The following CREB1 variants were observed in gnomAD, a reference collection of about 807,000 sequenced individuals.
CREB1 encodes the protein cyclic AMP-responsive element-binding protein 1.
Under a neutral mutation model 42.0 loss-of-function variants are expected in CREB1, and 2 were observed. The ratio of observed to expected loss-of-function variants is 0.05; its 90% CI spans 0.02 to 0.15. The LOEUF is 0.15. Among genes scored for constraint, CREB1 ranks in the 10% least tolerant of loss-of-function variants. The pLI, the probability that CREB1 is intolerant of heterozygous loss-of-function variation, is 1.00. For synonymous variants in CREB1, 123 were observed against 139.9 expected (o/e 0.88, Z 0.85); for missense variants, 199 against 388.9 (o/e 0.51, Z 4.11).
intron 1 of CREB1, among the ~76,000 whole-genome samples, chr2:207,531,130 A>G (rs2080605293): frequency 6.6e-6 from 1 of 152,144 alleles, no homozygotes; most frequent in Non-Finnish European, 1.5e-5. Flanking sequence ...TAATAAGGTA[A>G]TCATCACTTG....
chr2:207,560,094 C>T, intron 2 of CREB1, 132 bp from the exon 3 acceptor site: 1 of 718,094 alleles, frequency 1.4e-6, no homozygotes, highest in Non-Finnish European at 2.1e-6. Flanking sequence ...TTAGTCATTA[C>T]TTTCATATCA....
chr2:207,551,795 G>C (rs1334099813), intron 1 of CREB1, among the ~76,000 whole-genome samples: 1 of 152,050 alleles, frequency 6.6e-6, no homozygotes, highest in African/African-American at 2.4e-5. Context: ...TGCAATCCCA[G>C]CACTTTGGGA....
chr2:207,558,643 ATT>A (rs903929048), intron 2 of CREB1, among the ~76,000 whole-genome samples: 18 of 131,968 alleles, frequency 1.4e-4, no homozygotes, highest in Non-Finnish European at 1.1e-4. Flanking sequence ...CACTAAAGTG[ATT>A]TTTTTTTTTT....
Position 207,603,457 on chromosome 2 carries a change from ATC to A in CREB1, c.*6403_*6404del. Reference sequence around the variant, plus strand: ...TGTAAGTCTCTTTTTTGGGGATGGGATCTCTATATTTTGTTGGGTTTTTTTTG... The same window carrying A: ...TGTAAGTCTCTTTTTTGGGGATGGGATCTATATTTTGTTGGGTTTTTTTTG... On this transcript the variant is annotated 3_prime_UTR_variant, in exon 8 of 8. Coordinates refer to ENST00000353267, the MANE Select transcript of CREB1 (RefSeq NM_004379.5). 1 of 223,982 alleles carries A rather than the reference ATC, an allele frequency of 4.5e-6. No homozygotes were observed. The highest frequency in any genetic ancestry group is 8.9e-6 in the Non-Finnish European group (1 of 112,322). 13.9% of individuals were successfully genotyped at this position (223,982 alleles called of 1,614,324 possible). A position where few individuals can be genotyped will look rare whatever the true frequency, so the allele number is the denominator to read the frequency against.
At position 207,602,329 on chromosome 2, in the gene CREB1, C is replaced by T; in HGVS notation, c.*5271C>T. 1 of 198,936 alleles carries T rather than the reference C, an allele frequency of 5.0e-6. No homozygotes were observed. The highest frequency in any genetic ancestry group is 6.0e-5 in the Admixed American group (1 of 16,544). The allele number at this position is 198,936 out of a possible 1,614,324, so 12.3% of individuals were successfully genotyped here. ...TTTTAGCACAGAAAGAAAATACTGA[C>T]CTGTCTGCATTCTGGTACGGTGGGT... is the stretch of plus-strand genomic sequence containing the variant. On this transcript the variant is annotated 3_prime_UTR_variant, in exon 8 of 8. Coordinates refer to ENST00000353267, the MANE Select transcript of CREB1 (RefSeq NM_004379.5).
chr2:207,577,663 T>C lies in CREB1; in HGVS notation c.839+8T>C. 6.2e-7 allele frequency: 1 copy of C among 1,613,624 alleles called. No homozygotes were observed. Among genetic ancestry groups the C allele is most frequent in the East Asian group, 2.2e-5 (1 of 44,862 alleles). On this transcript the variant is annotated splice_region_variant and intron_variant, in intron 7 of 7. Coordinates refer to ENST00000353267, the MANE Select transcript of CREB1 (RefSeq NM_004379.5). Reference sequence around the variant, plus strand: ...CCGTCTAATGAAGAACAGGTACAAATACTGCATTTACTTAGATTGTTATGT... The same window carrying C: ...CCGTCTAATGAAGAACAGGTACAAACACTGCATTTACTTAGATTGTTATGT...
intron 6 of CREB1, 120 bp from the exon 7 acceptor site, chr2:207,577,385 C>G: frequency 7.6e-7 from 1 of 1,316,680 alleles, no homozygotes; most frequent in South Asian, 1.5e-5. Flanking sequence ...TAGCCAGAAT[C>G]ATCTTTTCTT....
chr2:207,539,815 G>T (rs2081022245), intron 1 of CREB1, among the ~76,000 whole-genome samples: 1 of 152,162 alleles, frequency 6.6e-6, no homozygotes, highest in South Asian at 2.1e-4. Flanking sequence ...AGATAAAATG[G>T]AGTGTATTCT....
intron 7 of CREB1, chr2:207,582,182 AAATT>A: frequency 1.4e-6 from 1 of 702,928 alleles, no homozygotes; most frequent in Non-Finnish European, 2.6e-6. Flanking sequence ...AATATGAAAG[AAATT>A]TGTGGTCATA....
At chr2:207,562,490 T>G (rs180771751) in intron 3 of CREB1, among the ~76,000 whole-genome samples, 1 of 152,324 alleles carries the variant, frequency 6.6e-6, no homozygotes, top group Admixed American at 6.5e-5. Flanking sequence ...TTTTTTTATT[T>G]GCTTGTATTC....
intron 1 of CREB1, among the ~76,000 whole-genome samples, chr2:207,536,369 A>G (rs939295926): frequency 1.3e-4 from 20 of 152,004 alleles, no homozygotes; most frequent in Non-Finnish European, 2.5e-4. Context: ...AGCCTGGCCA[A>G]CATGGTGAAA....
At chr2:207,576,916 GTTTAT>G (rs1203173623) in intron 6 of CREB1, 1 of 893,082 alleles carries the variant, frequency 1.1e-6, no homozygotes, top group African/African-American at 1.8e-5. Context: ...TAAAACTTCA[GTTTAT>G]TTAGCCATTA....
At chr2:207,564,093 G>C (rs73056921) in intron 3 of CREB1, among the ~76,000 whole-genome samples, 1 of 151,256 alleles carries the variant, frequency 6.6e-6, no homozygotes, top group African/African-American at 2.4e-5. Context: ...TTTATAATAC[G>C]AATACTTAAA....
intron 7 of CREB1, among the ~76,000 whole-genome samples, chr2:207,590,336 C>G (rs1359379089): frequency 6.6e-5 from 10 of 151,798 alleles, no homozygotes; most frequent in Non-Finnish European, 1.2e-4. Context: ...TTCGCCACCC[C>G]TACCCCAGCC....
At chr2:207,592,598 G>A (rs2085273732) in intron 7 of CREB1, among the ~76,000 whole-genome samples, 1 of 151,812 alleles carries the variant, frequency 6.6e-6, no homozygotes, top group Admixed American at 6.6e-5. Context: ...TTCTTCTTGT[G>A]TCTGTGGCTT....
chr2:207,556,446 A>G (rs1349537667), intron 2 of CREB1, among the ~76,000 whole-genome samples: 2 of 152,232 alleles, frequency 1.3e-5, no homozygotes, highest in Non-Finnish European at 2.9e-5. Flanking sequence ...TTTCAGATGA[A>G]GGTTCCCAGG....
Position 207,605,000 on chromosome 2 carries a change from C to T in CREB1, c.*7942C>T, listed in dbSNP as rs2087849954. ...GATTCATCCAGTTGAGTTGTTTCTA[C>T]TGTTTGGCTAATGTTCATAGTGCTG... On this transcript the variant is annotated 3_prime_UTR_variant, in exon 8 of 8. Coordinates refer to ENST00000353267, the MANE Select transcript of CREB1 (RefSeq NM_004379.5). Among the ~76,000 whole-genome samples the T allele has an allele frequency of 6.6e-6, 1 of 152,154 alleles. No homozygotes were observed. Among genetic ancestry groups the T allele is most frequent in the African/African-American group, 2.4e-5 (1 of 41,428 alleles).
rs912964610 is a variant in CREB1 at position 207,560,996 on chromosome 2, T to C, written c.261+624T>C. ...GACCTTTGAAGGTGACTACTCTGTT[T>C]AACTGTAGGGAACCGAGAGCAGTAT... On this transcript the variant is annotated intron_variant, in intron 3 of 7. Transcript: ENST00000353267. 3 of 822,078 alleles carry C rather than the reference T, an allele frequency of 3.6e-6. No individual in the cohort carries two copies. In the South Asian group the frequency reaches 4.5e-5, roughly 12 times the overall value. 50.9% of individuals were successfully genotyped at this position (822,078 alleles called of 1,614,324 possible). A position where few individuals can be genotyped will look rare whatever the true frequency, so the allele number is the denominator to read the frequency against.
rs141929253 is a variant in CREB1 at position 207,582,834 on chromosome 2, A to T, written c.839+5179A>T. The T allele has an allele frequency of 2.7e-3, 896 of 333,098 alleles. 10 individuals carry two copies. The highest frequency in any genetic ancestry group is 4.6e-3 in the Non-Finnish European group (755 of 165,756). The allele number at this position is 333,098 out of a possible 1,614,324, so 20.6% of individuals were successfully genotyped here. On this transcript the variant is annotated intron_variant, in intron 7 of 7. Transcript: ENST00000353267. ...TGCGAACCTGGGAGGTGGAAGTTGC[A>T]GTGAGCTGAGATGGCACTACTACTC...
Sources: gnomAD v4.1 joint callset for allele counts (sites outside exome capture counted in the v4.1 genomes callset) on GRCh38, gnomAD v4.1.1 for gene constraint, MANE v1.5 for transcripts, NCBI Gene and HGNC (gene_info 2026-07-23, HGNC 2026-07-21) for gene names.